The following SRP72 variants were observed in gnomAD, a reference collection of about 807,000 sequenced individuals.
SRP72 encodes signal recognition particle 72.
A neutral mutation model predicts 96.3 loss-of-function variants in SRP72; 49 were observed. That is an observed-to-expected ratio of 0.51 (90% CI 0.40 to 0.65). SRP72 has a LOEUF of 0.65. Among genes scored for constraint, SRP72 ranks in the 30% least tolerant of loss-of-function variants. The pLI is 0.00. For synonymous variants in SRP72, 267 were observed against 275.2 expected (o/e 0.97, Z 0.30); for missense variants, 736 against 793.3 (o/e 0.93, Z 0.87).
chr4:56,478,408 A>G lies in SRP72; in HGVS notation c.672A>G (p.Glu224=), dbSNP rs750366845. 1 of 1,612,076 alleles carries G rather than the reference A, an allele frequency of 6.2e-7. No individual in the cohort carries two copies. Among genetic ancestry groups the G allele is most frequent in the East Asian group, 2.2e-5 (1 of 44,846 alleles). ...TDGTEEDPQA[E]LAIIHGQMAY... ...GGACTGAGGAAGACCCACAGGCAGA[A>G]CTGGCCATCATTCATGGTCAGATGG... is the stretch of plus-strand genomic sequence containing the variant. The change falls in exon 7 of 19, where the codon GAA becomes GAG. Residue 224 remains glutamate (E), a synonymous_variant. Coordinates refer to ENST00000642900, the MANE Select transcript of SRP72 (RefSeq NM_006947.4).
Position 56,467,629 on chromosome 4 carries a change from C to G in SRP72, c.-7C>G, listed in dbSNP as rs753285521. The G allele has an allele frequency of 6.4e-7, 1 of 1,554,988 alleles. No homozygotes were observed. Among genetic ancestry groups the G allele is most frequent in the Non-Finnish European group, 8.7e-7 (1 of 1,152,194 alleles). On this transcript the variant is annotated 5_prime_UTR_variant, in exon 1 of 19. Transcript: ENST00000642900. ...GTCTCCCCGCCCCGCCCCTCGTCTC[C>G]TCCAAGATGGCGAGCGGCGGCAGCG...
At chr4:56,484,065 G>T (rs1720612531) in intron 9 of SRP72, among the ~76,000 whole-genome samples, 1 of 106,752 alleles carries the variant, frequency 9.4e-6, no homozygotes, top group Non-Finnish European at 1.8e-5. Context: ...ATGGAGTCTC[G>T]CTCTGTCGCC....
At chr4:56,494,990 T>C (rs1721027370) in intron 16 of SRP72, among the ~76,000 whole-genome samples, 2 of 152,256 alleles carry the variant, frequency 1.3e-5, no homozygotes, top group East Asian at 1.9e-4. Context: ...GGCAAAAAAT[T>C]TATTCTCTAA....
In SRP72 at chr4:56,490,422, A is replaced by G. The variant is rs17086879; in HGVS notation, c.1410A>G (p.Leu470=). Residue 470 remains leucine, a synonymous_variant, in exon 14 of 19, where the codon CTA becomes CTG. Transcript: ENST00000642900. ...YGRKKEAISD[L]QQLWKQNPKD... is the part of the protein sequence containing the mutation. ...GGAAGAAGGAGGCAATTAGTGACCTACAACAGCTGTGGAAGTAAGCTCTGA... is the reference window on the plus strand; with the variant it reads ...GGAAGAAGGAGGCAATTAGTGACCTGCAACAGCTGTGGAAGTAAGCTCTGA... The G allele has an allele frequency of 0.03, 47,991 of 1,613,700 alleles. 1,682 individuals carry two copies. Among genetic ancestry groups the G allele is most frequent in the East Asian group, 0.21 (9,594 of 44,848 alleles).
intron 17 of SRP72, 39 bp downstream of exon 17, chr4:56,495,433 A>G (rs1721044209): frequency 7.3e-7 from 1 of 1,363,236 alleles, no homozygotes; most frequent in Admixed American, 2.0e-5. Flanking sequence ...TTTCTCCAAA[A>G]TAAATGTTTG....
chr4:56,469,972 G>GTTT lies in SRP72; in HGVS notation c.230+214_230+216dup, dbSNP rs150238707. Among the ~76,000 whole-genome samples the GTTT allele has an allele frequency of 5.1e-4, 67 of 131,438 alleles. 1 individual carries two copies. The highest frequency in any genetic ancestry group is 1.5e-3 in the East Asian group (7 of 4,536). The allele number at this position is 131,438 out of a possible 152,430, so 86.2% of individuals were successfully genotyped here. A position where few individuals can be genotyped will look rare whatever the true frequency, so the allele number is the denominator to read the frequency against. ...CTTCTGTTTTTTTCAGCCTTAGAGA[G>GTTT]TTTTTTTTTTTTTTTTTAACCACTG... On this transcript the variant is annotated intron_variant, in intron 2 of 18. Coordinates refer to ENST00000642900, the MANE Select transcript of SRP72 (RefSeq NM_006947.4).
Position 56,500,604 on chromosome 4 carries a change from C to T in SRP72, c.1747C>T (p.Arg583Cys), listed in dbSNP as rs1214965529. 2.5e-6 allele frequency: 4 copies of T among 1,613,824 alleles called. No individual in the cohort carries two copies. Among genetic ancestry groups the T allele is most frequent in the Non-Finnish European group, 3.4e-6 (4 of 1,179,948 alleles). The change falls in exon 18 of 19, where the codon CGT becomes TGT. Residue 583 changes from arginine (R) to cysteine (C), a missense_variant. Physicochemically the swap from Arg to Cys is radical, Grantham distance 180. Around this residue, in one of 3 missense-constraint regions of SRP72, gnomAD observed 388 missense variants for 431.8 expected, o/e 0.90. Transcript: ENST00000642900. ...DPERWLPMRE[R>C]SYYRGRKKGK... ...AGAAAGATGGCTGCCAATGCGAGAA[C>T]GTTCTTACTACCGGGGAAGAAAGAA...
chr4:56,478,770 T>A, intron 8 of SRP72, 121 bp downstream of exon 8: 1 of 930,888 alleles, frequency 1.1e-6, no homozygotes, highest in Non-Finnish European at 1.6e-6. Flanking sequence ...AGTCCAGTTG[T>A]AGCAAAATCA....
At chr4:56,476,547 A>T in intron 5 of SRP72, 124 bp from the exon 6 acceptor site, 2 of 991,580 alleles carry the variant, frequency 2.0e-6, no homozygotes, top group Non-Finnish European at 3.1e-6. Context: ...AAATTTCACA[A>T]CTGCTTGTTA....
intron 17 of SRP72, among the ~76,000 whole-genome samples, chr4:56,498,897 A>G (rs1721167662): frequency 6.6e-6 from 1 of 152,230 alleles, no homozygotes; most frequent in Non-Finnish European, 1.5e-5. Flanking sequence ...GACTTTCTTC[A>G]CAGAATTAGA....
At chr4:56,490,231 C>A in intron 13 of SRP72, 102 bp from the exon 14 acceptor site, 1 of 818,178 alleles carries the variant, frequency 1.2e-6, no homozygotes, top group Non-Finnish European at 1.9e-6. Context: ...GATGAGGGAT[C>A]TAATGCATAG....
intron 9 of SRP72, 146 bp from the exon 10 acceptor site, chr4:56,484,590 A>C: frequency 9.9e-7 from 1 of 1,005,096 alleles, no homozygotes; most frequent in Non-Finnish European, 1.5e-6. Flanking sequence ...GAGAATAGAT[A>C]CTGTAAACTG....
intron 5 of SRP72, chr4:56,475,694 T>C (rs1340780175): frequency 6.6e-6 from 1 of 152,122 alleles, no homozygotes; most frequent in Non-Finnish European, 1.5e-5. Flanking sequence ...TCATACCCAA[T>C]GAAGAACATT....
In SRP72 at chr4:56,483,269, AGGTG is replaced by A; in HGVS notation, c.957+3_957+6del. Reference sequence around the variant, plus strand: ...GCTTTACTTGCTATGTACACAAACCAGGTGGGTAATTACCTTTGGTGTCATGGCT... The same window carrying A: ...GCTTTACTTGCTATGTACACAAACCAGGTAATTACCTTTGGTGTCATGGCT... On this transcript the variant is annotated splice_donor_variant and splice_donor_region_variant and coding_sequence_variant and intron_variant, in exon 9 of 19. Coordinates refer to ENST00000642900, the MANE Select transcript of SRP72 (RefSeq NM_006947.4). LOFTEE classifies it high-confidence loss of function. 6.2e-7 allele frequency: 1 copy of A among 1,612,436 alleles called. No homozygotes were observed. Among genetic ancestry groups the A allele is most frequent in the Non-Finnish European group, 8.5e-7 (1 of 1,179,406 alleles).
rs1249281775 is a variant in SRP72 at position 56,478,646 on chromosome 4, C to G, written c.822C>G (p.Asn274Lys). Residue 274 changes from asparagine (N) to lysine (K), a missense_variant, in exon 8 of 19, where the codon AAC (asparagine) becomes AAG (lysine). Physicochemically the swap from Asn to Lys is moderately conservative, Grantham distance 94 (BLOSUM62 0). Around this residue, in one of 3 missense-constraint regions of SRP72, gnomAD observed 19 missense variants for 42.5 expected, o/e 0.45. Transcript: ENST00000642900. ...TTGCAAATAACATCATTACCATTAA[C>G]AAGGTATGGAGTATTTGTGCTTTCC... Reference protein sequence around the residue: ...AVIANNIITINKDQNVFDSKK... With the variant: ...AVIANNIITIKKDQNVFDSKK... The G allele has an allele frequency of 1.9e-6, 3 of 1,613,420 alleles. No homozygotes were observed. In the East Asian group the frequency reaches 6.7e-5, roughly 36 times the overall value.
chr4:56,487,593 A>T (rs1355450770), intron 11 of SRP72, among the ~76,000 whole-genome samples: 1 of 152,176 alleles, frequency 6.6e-6, no homozygotes, highest in Non-Finnish European at 1.5e-5. Context: ...ACAGTAACAT[A>T]TTTCAAGGCC....
intron 16 of SRP72, among the ~76,000 whole-genome samples, chr4:56,492,315 T>C (rs1272144330): frequency 6.6e-6 from 1 of 152,230 alleles, no homozygotes; most frequent in Non-Finnish European, 1.5e-5. Context: ...TCATTTAGTA[T>C]ATGATTTCTT....
chr4:56,500,722 C>T lies in SRP72; in HGVS notation c.1838+27C>T, dbSNP rs374557444. 39 of 1,591,904 alleles carry T rather than the reference C, an allele frequency of 2.4e-5. No homozygotes were observed. The African/African-American group carries it at 4.3e-4, about 18-fold the overall frequency. On this transcript the variant is annotated intron_variant, in intron 18 of 18. Transcript: ENST00000642900. Reference sequence around the variant, plus strand: ...TAAGTTATTGCTCCACAATTGAGGGCACTTAGAACATACGTTGTTTCTAGA... The same window carrying T: ...TAAGTTATTGCTCCACAATTGAGGGTACTTAGAACATACGTTGTTTCTAGA...
intron 1 of SRP72, 29 bp downstream of exon 1, chr4:56,467,773 G>GC: frequency 1.8e-4 from 193 of 1,078,396 alleles, no homozygotes; most frequent in Non-Finnish European, 2.2e-4. Context: ...ACTGGGGCGG[G>GC]CCCAGGCCGG....
Sources: allele counts gnomAD v4.1 joint callset (sites outside exome capture counted in the v4.1 genomes callset), GRCh38; gene constraint gnomAD v4.1.1; regional missense constraint gnomAD v4.1.1; transcripts MANE v1.5; gene names NCBI Gene and HGNC (gene_info 2026-07-23, HGNC 2026-07-21).